The following SIK3 variants were observed in gnomAD, a reference collection of about 807,000 sequenced individuals.
The protein encoded by SIK3 is SIK family kinase 3.
In SIK3, 28 loss-of-function variants were observed where a neutral mutation model predicts 144.2. That is an observed-to-expected ratio of 0.19 (90% CI 0.14 to 0.27). The LOEUF (loss-of-function observed/expected upper bound fraction) is 0.27, where lower values mean the gene tolerates loss of function less well. SIK3 is among the 10% of genes least tolerant of loss of function. The pLI is 1.00. For missense variants in SIK3, 1,319 were observed against 1,776.0 expected (o/e 0.74, Z 4.62); for synonymous variants, 686 against 676.3 (o/e 1.01, Z -0.22).
intron 1 of SIK3, among the ~76,000 whole-genome samples, chr11:116,960,762 CA>C (rs1949314729): frequency 6.6e-6 from 1 of 152,038 alleles, no homozygotes; most frequent in Admixed American, 6.6e-5. Context: ...CTAATACATG[CA>C]ACCTGATTAA....
At chr11:116,936,604 A>G (rs963363442) in intron 3 of SIK3, among the ~76,000 whole-genome samples, 3 of 152,160 alleles carry the variant, frequency 2.0e-5, no homozygotes, top group African/African-American at 7.2e-5. Context: ...CTCACTCTTA[A>G]CATCCAATTA....
chr11:117,040,967 T>TA (rs58768582), intron 1 of SIK3, among the ~76,000 whole-genome samples: 90 of 148,956 alleles, frequency 6.0e-4, no homozygotes, highest in African/African-American at 2.1e-3. Context: ...TTTTTTTTTT[T>TA]AGCAAGGGCA....
At chr11:116,991,744 C>T (rs1950507028) in intron 1 of SIK3, among the ~76,000 whole-genome samples, 1 of 152,118 alleles carries the variant, frequency 6.6e-6, no homozygotes, top group Non-Finnish European at 1.5e-5. Flanking sequence ...GCCACTTTCC[C>T]CTCCTATCCC....
At chr11:116,983,619 G>T (rs1233610612) in intron 1 of SIK3, among the ~76,000 whole-genome samples, 1 of 152,122 alleles carries the variant, frequency 6.6e-6, no homozygotes, top group Non-Finnish European at 1.5e-5. Flanking sequence ...AAATGCTCTG[G>T]AAAATGTTCT....
chr11:117,098,388 C>T lies in SIK3; in HGVS notation c.28G>A (p.Gly10Ser). The T allele has an allele frequency of 8.6e-7, 1 of 1,169,418 alleles. No homozygotes were observed. Among genetic ancestry groups the T allele is most frequent in the East Asian group, 3.9e-5 (1 of 25,512 alleles). 72.4% of individuals were successfully genotyped at this position (1,169,418 alleles called of 1,614,324 possible). The change falls in exon 1 of 25, where the codon GGC becomes AGC. Residue 10 changes from glycine (G) to serine (S), a missense_variant. Physicochemically the swap from Gly to Ser is moderately conservative, Grantham distance 56 (BLOSUM62 0). Coordinates refer to ENST00000445177, the MANE Select transcript of SIK3 (RefSeq NM_001366686.3). ...CCAGTCCCGGCCCCGGCAGCCCCGCCAGCTCCGCTCGCCGCCGCCGCCGCC... is the reference window on the plus strand; with the variant it reads ...CCAGTCCCGGCCCCGGCAGCCCCGCTAGCTCCGCTCGCCGCCGCCGCCGCC... MAAAAASGAGGAAGAGTGGA... is the reference protein window; with the variant it reads MAAAAASGASGAAGAGTGGA...
At chr11:117,013,972 C>CTTTTCTTTTTTTTTTTTTT (rs1951409266) in intron 1 of SIK3, among the ~76,000 whole-genome samples, 1 of 27,044 alleles carries the variant, frequency 3.7e-5, no homozygotes, top group Non-Finnish European at 7.4e-5. Context: ...TTTTTCTTTT[C>CTTTTCTTTTTTTTTTTTTT]TTTTTTTTTT....
At chr11:116,887,097 C>CATAT (rs1944859912) in intron 6 of SIK3, among the ~76,000 whole-genome samples, 1 of 152,046 alleles carries the variant, frequency 6.6e-6, no homozygotes, top group Non-Finnish European at 1.5e-5. Flanking sequence ...CACAATAACT[C>CATAT]ATATAACAAA....
intron 1 of SIK3, among the ~76,000 whole-genome samples, chr11:117,011,480 G>A (rs1951252598): frequency 6.6e-6 from 1 of 152,078 alleles, no homozygotes; most frequent in African/African-American, 2.4e-5. Context: ...AACAGAGAGT[G>A]GATTCTGAGT....
chr11:117,098,048 G>C (rs1354125441), intron 1 of SIK3, 95 bp downstream of exon 1: 8 of 1,150,508 alleles, frequency 7.0e-6, no homozygotes, highest in Non-Finnish European at 8.5e-6. Flanking sequence ...CTCCCACCAC[G>C]CGCCGCGCTC....
chr11:117,021,928 CAAAAAA>C (rs71037444), intron 1 of SIK3, among the ~76,000 whole-genome samples: 359 of 58,630 alleles, frequency 6.1e-3, no homozygotes, highest in East Asian at 0.016. Flanking sequence ...TCTGTCTCTA[CAAAAAA>C]AAAAAAAAAA....
intron 3 of SIK3, among the ~76,000 whole-genome samples, chr11:116,947,009 G>C (rs1050879536): frequency 1.3e-5 from 2 of 150,640 alleles, no homozygotes; most frequent in Admixed American, 6.7e-5. Context: ...CAGCTACTTG[G>C]GAGACTGAGG....
rs1456057217 is a variant in SIK3 at position 116,952,030 on chromosome 11, T to C, written c.454+2014A>G. Reference sequence around the variant, plus strand: ...TAAGGTAGATTGATGTGCCCTGTGTTTGGGTCTTTTTTTATTACAAACATT... The same window carrying C: ...TAAGGTAGATTGATGTGCCCTGTGTCTGGGTCTTTTTTTATTACAAACATT... On this transcript the variant is annotated intron_variant, in intron 3 of 24. Transcript: ENST00000445177. 3.9e-5 allele frequency among the ~76,000 whole-genome samples: 6 copies of C among 152,070 alleles called. No individual in the cohort carries two copies. In the East Asian group the frequency reaches 1.2e-3, roughly 29 times the overall value.
chr11:116,964,416 A>G (rs188512805), intron 1 of SIK3, among the ~76,000 whole-genome samples: 13 of 152,298 alleles, frequency 8.5e-5, no homozygotes, highest in East Asian at 3.9e-4. Flanking sequence ...TTCATTATAC[A>G]CACCAATCAC....
At chr11:116,909,065 T>C (rs932362534) in intron 4 of SIK3, among the ~76,000 whole-genome samples, 1 of 152,192 alleles carries the variant, frequency 6.6e-6, no homozygotes, top group Non-Finnish European at 1.5e-5. Flanking sequence ...TATATTCATA[T>C]CATGGAATAC....
intron 1 of SIK3, among the ~76,000 whole-genome samples, chr11:117,012,260 C>T (rs1362608041): frequency 1.3e-5 from 2 of 152,176 alleles, no homozygotes; most frequent in African/African-American, 2.4e-5. Flanking sequence ...AGGCATGAGC[C>T]ACCATGCCCA....
intron 1 of SIK3, among the ~76,000 whole-genome samples, chr11:117,002,617 A>G (rs1437840321): frequency 6.9e-6 from 1 of 144,358 alleles, no homozygotes; most frequent in East Asian, 3.0e-4. Flanking sequence ...CCATTACAAG[A>G]AAAAAAAACC....
Position 116,857,880 on chromosome 11 carries a change from T to C in SIK3, c.3585A>G (p.Gln1195=). 1 of 1,614,226 alleles carries C rather than the reference T, an allele frequency of 6.2e-7. No homozygotes were observed. Among genetic ancestry groups the C allele is most frequent in the African/African-American group, 1.3e-5 (1 of 75,056 alleles). Residue 1195 remains glutamine (Q), a synonymous_variant, in exon 21 of 25, where the codon CAA becomes CAG. Transcript: ENST00000445177. ...ESLLGTVSHA[Q]ELGIHPYGHQ... ...GACCATAGGGATGTATCCCCAATTC[T>C]TGGGCATGACTCACAGTTCCTAGCA...
chr11:117,032,106 T>C (rs1952288157), intron 1 of SIK3, among the ~76,000 whole-genome samples: 1 of 152,208 alleles, frequency 6.6e-6, no homozygotes, highest in South Asian at 2.1e-4. Flanking sequence ...TGAAATCAGG[T>C]AGAGTGATTC....
intron 1 of SIK3, among the ~76,000 whole-genome samples, chr11:117,008,649 C>A (rs1261214068): frequency 6.6e-6 from 1 of 152,094 alleles, no homozygotes; most frequent in East Asian, 1.9e-4. Flanking sequence ...TCCAGAATTA[C>A]CTCAAAATCC....
Sources: allele counts gnomAD v4.1 joint callset (sites outside exome capture counted in the v4.1 genomes callset), GRCh38; gene constraint gnomAD v4.1.1; transcripts MANE v1.5; gene names NCBI Gene and HGNC (gene_info 2026-07-23, HGNC 2026-07-21).